ARFGAP1: variants seen among roughly 807,000 people sequenced by gnomAD.
ARFGAP1 encodes the protein ARF GTPase activating protein 1, also known as ADP-ribosylation factor GTPase-activating protein 1.
A neutral mutation model predicts 54.0 loss-of-function variants in ARFGAP1; 26 were observed. The ratio of observed to expected loss-of-function variants is 0.48; its 90% CI spans 0.35 to 0.67. The LOEUF is 0.67. Ranked by LOEUF, ARFGAP1 falls within the 30% of genes least tolerant of loss-of-function variation. The probability of loss-of-function intolerance (pLI) is 0.00; values close to 1 mark genes in which losing one functional copy is unlikely to be tolerated. For synonymous variants in ARFGAP1, 248 were observed against 211.9 expected (o/e 1.17, Z -1.48); for missense variants, 525 against 535.8 (o/e 0.98, Z 0.20).
chr20:63,279,251 A>T (rs565258509), intron 7 of ARFGAP1: 24 of 563,216 alleles, frequency 4.3e-5, no homozygotes, highest in African/African-American at 3.8e-4. Flanking sequence ...CAGGCTGCAG[A>T]CTGGAGGGCA....
At chr20:63,285,467 A>T in intron 10 of ARFGAP1, 187 bp from the exon 11 acceptor site, 1 of 644,788 alleles carries the variant, frequency 1.6e-6, no homozygotes, top group Non-Finnish European at 2.7e-6. Flanking sequence ...CAGGCCTCAC[A>T]GTGACATGGT....
At chr20:63,281,267 G>T (rs1240000208) in intron 7 of ARFGAP1, 24 bp from the exon 8 acceptor site, 1 of 1,587,932 alleles carries the variant, frequency 6.3e-7, no homozygotes, top group Admixed American at 1.7e-5. Flanking sequence ...TCCTGATGTG[G>T]CTGCTCTTTG....
rs2067259069 is a variant in ARFGAP1 at position 63,277,267 on chromosome 20, C to T, written c.405C>T (p.Thr135=). The change falls in exon 5 of 13, where the codon ACC becomes ACT. Residue 135 remains threonine (T), a synonymous_variant. Coordinates refer to ENST00000370283, the MANE Select transcript of ARFGAP1 (RefSeq NM_018209.4). ...SLESSPAQNW[T]PPQPRTLPSM... The stretch of plus-strand genomic sequence containing the variant: ...AGTCATCACCTGCCCAGAACTGGAC[C>T]CCACCTCAGCCCAGGACGCTGCCGT... 2.4e-5 allele frequency: 39 copies of T among 1,613,058 alleles called. No individual in the cohort carries two copies. Among genetic ancestry groups the T allele is most frequent in the Non-Finnish European group, 3.3e-5 (39 of 1,179,918 alleles).
rs1368269783 is a variant in ARFGAP1, at chr20:63,289,502, TCC to T, written c.*1632_*1633del. The T allele has an allele frequency of 6.6e-6, 1 of 152,320 alleles. No individual in the cohort carries two copies. Among genetic ancestry groups the T allele is most frequent in the Admixed American group, 6.5e-5 (1 of 15,290 alleles). The allele number at this position is 152,320 out of a possible 1,614,324, so 9.4% of individuals were successfully genotyped here. A position where few individuals can be genotyped will look rare whatever the true frequency, so the allele number is the denominator to read the frequency against. On this transcript the variant is annotated 3_prime_UTR_variant, in exon 13 of 13. Transcript: ENST00000370283. ...CTTGGCAGCATGGAGCCAAGGTCTG[TCC>T]CCGCCCAGGAGGGTGCCTTCCTCGG...
In ARFGAP1 at chr20:63,276,828, C is replaced by G. The variant is rs953801607; in HGVS notation, c.342+177C>G. ...AGAGGCTTCCTGCCCAGAGGGGAGGCAAATGGCTTGCGGGGGGAGACAGAC... is the reference window on the plus strand; with the variant it reads ...AGAGGCTTCCTGCCCAGAGGGGAGGGAAATGGCTTGCGGGGGGAGACAGAC... On this transcript the variant is annotated intron_variant, in intron 4 of 12. Coordinates refer to ENST00000370283, the MANE Select transcript of ARFGAP1 (RefSeq NM_018209.4). This position sits in a 1 kb window ranked among gnomAD's most constrained non-coding sequence, Gnocchi z 5.2. 1 of 696,666 alleles carries G rather than the reference C, an allele frequency of 1.4e-6. No homozygotes were observed. Among genetic ancestry groups the G allele is most frequent in the Non-Finnish European group, 2.3e-6 (1 of 438,594 alleles). 43.2% of individuals were successfully genotyped at this position (696,666 alleles called of 1,614,324 possible).
chr20:63,288,969 C>G lies in ARFGAP1; in HGVS notation c.*1096C>G, dbSNP rs2067641441. ...CCATGCTCCCTGGTCACCCCACTTC[C>G]CGGTCGCCGTCTGCAGCACTCCTGG... On this transcript the variant is annotated 3_prime_UTR_variant, in exon 13 of 13. Transcript: ENST00000370283. 1 of 197,702 alleles carries G rather than the reference C, an allele frequency of 5.1e-6. No individual in the cohort carries two copies. 12.2% of individuals were successfully genotyped at this position (197,702 alleles called of 1,614,324 possible).
chr20:63,284,177 G>C, intron 9 of ARFGAP1: 1 of 1,314,052 alleles, frequency 7.6e-7, no homozygotes, highest in Non-Finnish European at 9.7e-7. Context: ...CCGGGGAGGT[G>C]CTGGAGGGAG....
In ARFGAP1 at chr20:63,287,625, G is replaced by A. The variant is rs138008339; in HGVS notation, c.973G>A (p.Asp325Asn). Residue 325 changes from aspartate to asparagine, a missense_variant, in exon 13 of 13, where the codon GAC becomes AAC. Physicochemically the swap from Asp to Asn is conservative, Grantham distance 23. Transcript: ENST00000370283. ...GGACCACTTCCAAAACAGCAACATA[G>A]ACCAGAGCTTCTGGGAGACCTTTGG... The part of the protein sequence containing the change: ...GLDHFQNSNI[D>N]QSFWETFGSA... 2.2e-4 allele frequency: 347 copies of A among 1,612,628 alleles called. 1 individual carries two copies. In the African/African-American group the frequency reaches 2.7e-3, roughly 12 times the overall value.
At chr20:63,285,789 G>A (rs2067519761) in intron 11 of ARFGAP1, 76 bp downstream of exon 11, 4 of 1,572,124 alleles carry the variant, frequency 2.5e-6, no homozygotes, top group African/African-American at 1.4e-5. Flanking sequence ...TGAGAGCAGG[G>A]TGTGCCCCGT....
chr20:63,274,428 A>C (rs2067184688), intron 1 of ARFGAP1, among the ~76,000 whole-genome samples: 1 of 150,822 alleles, frequency 6.6e-6, no homozygotes, highest in Non-Finnish European at 1.5e-5. Flanking sequence ...CTACACTGTG[A>C]ATAGGAAAGC....
At position 63,276,535 on chromosome 20, in the gene ARFGAP1, A is replaced by G; in HGVS notation, c.226A>G (p.Lys76Glu). The G allele has an allele frequency of 6.2e-7, 1 of 1,614,082 alleles. No individual in the cohort carries two copies. The change falls in exon 4 of 13, where the codon AAA becomes GAA. Residue 76 changes from lysine (K) to glutamate (E), a missense_variant. Lys to Glu is a moderately conservative substitution (Grantham distance 56). Around this residue, in one of 3 missense-constraint regions of ARFGAP1, gnomAD observed 466 missense variants for 453.6 expected, o/e 1.03. Transcript: ENST00000370283. The surrounding 1 kb of genome is among the most constrained non-coding windows in gnomAD (Gnocchi z 5.2). The stretch of plus-strand genomic sequence containing the variant: ...GAAGGACATTGAGCTTGAGAAGATG[A>G]AAGCTGGTGGGAATGCTAAGTTCCG... ...KWKDIELEKM[K>E]AGGNAKFREF... is the part of the protein sequence containing the mutation.
chr20:63,285,810 G>A, intron 11 of ARFGAP1, 97 bp downstream of exon 11: 4 of 1,541,574 alleles, frequency 2.6e-6, no homozygotes, highest in Non-Finnish European at 3.6e-6. Flanking sequence ...GCAGCCCTCA[G>A]CCCAGCTTGG....
intron 9 of ARFGAP1, chr20:63,284,530 G>A (rs2123295578): frequency 5.0e-6 from 6 of 1,189,354 alleles, no homozygotes; most frequent in Non-Finnish European, 6.3e-6. Flanking sequence ...TGGGGTGGCT[G>A]CAGCCGGCGT....
rs781629537 is a variant in ARFGAP1, at chr20:63,287,555, C to G, written c.912-9C>G. 1 of 1,574,270 alleles carries G rather than the reference C, an allele frequency of 6.4e-7. No individual in the cohort carries two copies. Among genetic ancestry groups the G allele is most frequent in the Non-Finnish European group, 8.6e-7 (1 of 1,156,272 alleles). On this transcript the variant is annotated splice_polypyrimidine_tract_variant and intron_variant, in intron 12 of 12. Coordinates refer to ENST00000370283, the MANE Select transcript of ARFGAP1 (RefSeq NM_018209.4). Reference sequence around the variant, plus strand: ...GTCATTTAGAGTCCCCCTTCTGTCTCTTTAAAAGCCCCTCGGAGGGCCACA... The same window carrying G: ...GTCATTTAGAGTCCCCCTTCTGTCTGTTTAAAAGCCCCTCGGAGGGCCACA...
chr20:63,278,874 G>A (rs370724380), intron 6 of ARFGAP1, 25 bp from the exon 7 acceptor site: 41 of 1,611,920 alleles, frequency 2.5e-5, no homozygotes, highest in Middle Eastern at 1.6e-4. Context: ...CAGCATCTTC[G>A]GCCTCTTGTC....
chr20:63,288,883 C>T lies in ARFGAP1; in HGVS notation c.*1010C>T, dbSNP rs934122307. On this transcript the variant is annotated 3_prime_UTR_variant, in exon 13 of 13. Transcript: ENST00000370283. The stretch of plus-strand genomic sequence containing the variant: ...GCCAGCCATGCATGCGCCCGAAGCT[C>T]GTGCAGTTTGTACGTGAGGTGCTCT... 3.3e-5 allele frequency: 9 copies of T among 270,164 alleles called. No individual in the cohort carries two copies. The highest frequency in any genetic ancestry group is 6.5e-5 in the African/African-American group (3 of 45,982). The allele number at this position is 270,164 out of a possible 1,614,324, so 16.7% of individuals were successfully genotyped here.
At chr20:63,281,241 G>C in intron 7 of ARFGAP1, 50 bp from the exon 8 acceptor site, 10 of 1,555,696 alleles carry the variant, frequency 6.4e-6, no homozygotes, top group Non-Finnish European at 7.8e-6. Flanking sequence ...CTCAGCGCCG[G>C]GTTCCTGGGT....
At chr20:63,286,514 G>T (rs1253793510) in intron 12 of ARFGAP1, 72 bp downstream of exon 12, 3 of 1,453,410 alleles carry the variant, frequency 2.1e-6, no homozygotes, top group Non-Finnish European at 2.8e-6. Context: ...AGGCTCTCCA[G>T]GAGGTGGCTG....
chr20:63,283,163 C>A, intron 9 of ARFGAP1: 1 of 462,904 alleles, frequency 2.2e-6, no homozygotes. Flanking sequence ...AGATGGCCCA[C>A]GCTGGCGGTG....
Sources: allele counts gnomAD v4.1 joint callset (sites outside exome capture counted in the v4.1 genomes callset), GRCh38; gene constraint gnomAD v4.1.1; regional missense constraint gnomAD v4.1.1; non-coding constraint Gnocchi (gnomAD v3.1); transcripts MANE v1.5; gene names NCBI Gene and HGNC (gene_info 2026-07-23, HGNC 2026-07-21).